GNG7: variants seen among roughly 807,000 people sequenced by gnomAD.
GNG7 encodes guanine nucleotide-binding protein G(I)/G(S)/G(O) subunit gamma-7.
A neutral mutation model predicts 4.0 loss-of-function variants in GNG7; 1 was observed. The ratio of observed to expected loss-of-function variants is 0.25; its 90% confidence interval spans 0.09 to 1.18. The LOEUF (loss-of-function observed/expected upper bound fraction) is 1.18, where lower values mean the gene tolerates loss of function less well. GNG7 is among the 50% of genes most tolerant of loss of function. The pLI, the probability that GNG7 is intolerant of heterozygous loss-of-function variation, is 0.50. For synonymous variants in GNG7, 34 were observed against 36.9 expected, an observed-to-expected ratio of 0.92 and a Z score of 0.29; for missense variants, 86 against 91.9, an observed-to-expected ratio of 0.94 and a Z score of 0.26.
rs768367117 is a variant in GNG7 at position 2,546,742 on chromosome 19, C to T, written c.-38+8407G>A. On this transcript the variant is annotated intron_variant, in intron 3 of 4. Transcript: ENST00000382159. This position sits in a 1 kb window ranked among gnomAD's most constrained non-coding sequence, Gnocchi z 6.3. The stretch of plus-strand genomic sequence containing the variant: ...GCGCCGCCAGTGTGGGTTTGGTCGC[C>T]GCGGTGACGGGAGCAGGAGAAAAGA... Among the ~76,000 whole-genome samples the T allele has an allele frequency of 4.6e-5, 7 of 152,126 alleles. No homozygotes were observed. Among genetic ancestry groups the T allele is most frequent in the Non-Finnish European group, 8.8e-5 (6 of 68,018 alleles).
intron 1 of GNG7, among the ~76,000 whole-genome samples, chr19:2,692,647 A>G (rs533888831): frequency 7.1e-4 from 107 of 149,872 alleles, no homozygotes; most frequent in South Asian, 1.7e-3. Context: ...AAAAAAAAAA[A>G]AAGAAGGCCA....
chr19:2,622,481 C>T (rs1056611283), intron 2 of GNG7, among the ~76,000 whole-genome samples: 4 of 152,360 alleles, frequency 2.6e-5, no homozygotes, highest in Non-Finnish European at 4.4e-5. Context: ...GGAAAGCCCC[C>T]GAAACTGGCA....
intron 1 of GNG7, among the ~76,000 whole-genome samples, chr19:2,690,139 T>C (rs930224642): frequency 3.3e-5 from 5 of 152,074 alleles, no homozygotes; most frequent in Admixed American, 2.6e-4. Flanking sequence ...CCCAGCACTT[T>C]GGGAGGCCGA....
chr19:2,668,107 A>G (rs1983355748), intron 1 of GNG7, among the ~76,000 whole-genome samples: 1 of 152,088 alleles, frequency 6.6e-6, no homozygotes, highest in Non-Finnish European at 1.5e-5. Flanking sequence ...CAAACGCACC[A>G]TGCCATTGGA....
At chr19:2,601,941 A>G (rs1348120932) in intron 2 of GNG7, among the ~76,000 whole-genome samples, 1 of 151,262 alleles carries the variant, frequency 6.6e-6, no homozygotes, top group Admixed American at 6.6e-5. Context: ...GGAGGGGAGG[A>G]GAGGAGAGGG....
rs76623902 is a variant in GNG7, at chr19:2,626,728, G to A, written c.-78+19496C>T. Among the ~76,000 whole-genome samples, 1,460 of 152,266 alleles carry A rather than the reference G, an allele frequency of 9.6e-3. 25 individuals are homozygous for A. The highest frequency in any genetic ancestry group is 0.033 in the African/African-American group (1,379 of 41,544). On this transcript the variant is annotated intron_variant, in intron 2 of 4. Transcript: ENST00000382159. This position sits in a 1 kb window ranked among gnomAD's most constrained non-coding sequence, Gnocchi z 5.0. Reference sequence around the variant, plus strand: ...TAATTCTGTCCCCTCAGGGGACACTGGGCGGTGTCGGGGGACATCTGTAAT... The same window carrying A: ...TAATTCTGTCCCCTCAGGGGACACTAGGCGGTGTCGGGGGACATCTGTAAT...
intron 2 of GNG7, among the ~76,000 whole-genome samples, chr19:2,589,017 C>G (rs933508784): frequency 2.0e-5 from 3 of 152,166 alleles, no homozygotes; most frequent in Non-Finnish European, 4.4e-5. Flanking sequence ...CAACCTCCCC[C>G]TTCCAGGTTC....
chr19:2,607,335 T>C (rs939791023), intron 2 of GNG7, among the ~76,000 whole-genome samples: 1 of 151,426 alleles, frequency 6.6e-6, no homozygotes, highest in Non-Finnish European at 1.5e-5. Context: ...CTGGCCAACA[T>C]GGAGAAACCC....
At chr19:2,593,969 C>A (rs2144804282) in intron 2 of GNG7, among the ~76,000 whole-genome samples, 1 of 149,428 alleles carries the variant, frequency 6.7e-6, no homozygotes, top group African/African-American at 2.4e-5. Flanking sequence ...CACCCCAAAC[C>A]TTCTCAAATC....
chr19:2,612,054 T>C (rs1404817889), intron 2 of GNG7, among the ~76,000 whole-genome samples: 1 of 151,988 alleles, frequency 6.6e-6, no homozygotes, highest in Admixed American at 6.6e-5. Flanking sequence ...TTAGTATTTT[T>C]AGTAGAGACC....
chr19:2,640,258 G>GGAGA (rs560240248), intron 2 of GNG7, among the ~76,000 whole-genome samples: 1 of 151,478 alleles, frequency 6.6e-6, no homozygotes, highest in East Asian at 1.9e-4. Context: ...GAGGAAGGAA[G>GGAGA]GAGAGAGAGA....
chr19:2,553,664 C>T (rs1025010091), intron 3 of GNG7, among the ~76,000 whole-genome samples: 12 of 135,276 alleles, frequency 8.9e-5, no homozygotes, highest in East Asian at 6.8e-4. Flanking sequence ...TACATGCACA[C>T]GTTACATGTA....
At chr19:2,689,584 T>C (rs1021120872) in intron 1 of GNG7, among the ~76,000 whole-genome samples, 6 of 132,758 alleles carry the variant, frequency 4.5e-5, no homozygotes, top group African/African-American at 1.5e-4. Context: ...GATGGCGCCA[T>C]TGCACTCCAG....
intron 1 of GNG7, among the ~76,000 whole-genome samples, chr19:2,654,050 G>A (rs1982897414): frequency 6.6e-6 from 1 of 152,198 alleles, no homozygotes. Context: ...CTGTGGCGGG[G>A]GCGGGGCCGT....
At chr19:2,659,750 T>TGGAG (rs1185318404) in intron 1 of GNG7, among the ~76,000 whole-genome samples, 32 of 80,348 alleles carry the variant, frequency 4.0e-4, no homozygotes, top group Non-Finnish European at 6.6e-4. Flanking sequence ...GAGGGAGGGA[T>TGGAG]GGAGGAAGGA....
intron 2 of GNG7, among the ~76,000 whole-genome samples, chr19:2,574,102 G>A (rs1427524252): frequency 6.6e-6 from 1 of 152,124 alleles, no homozygotes; most frequent in African/African-American, 2.4e-5. Context: ...ACCTGGGCTG[G>A]TGCAGTCCAG....
In GNG7 at chr19:2,515,075, C is replaced by G. The variant is rs1423422402; in HGVS notation, c.154G>C (p.Val52Leu). 4 of 1,613,896 alleles carry G rather than the reference C, an allele frequency of 2.5e-6. No homozygotes were observed. The highest frequency in any genetic ancestry group is 3.4e-6 in the Non-Finnish European group (4 of 1,179,934). Residue 52 changes from valine to leucine, a missense_variant, in exon 5 of 5, where the codon GTC becomes CTC. Coordinates refer to ENST00000382159, the MANE Select transcript of GNG7 (RefSeq NM_052847.3). ...TTAAAGGGGTTCTCCGAGGCAGGGA[C>G]TCCGACCAGCAGGGGGTCGTTCCGG... ...HARNDPLLVG[V>L]PASENPFKDK...
intron 3 of GNG7, among the ~76,000 whole-genome samples, chr19:2,524,619 CAT>C (rs1568231316): frequency 6.6e-6 from 1 of 152,198 alleles, no homozygotes; most frequent in African/African-American, 2.4e-5. Flanking sequence ...TGTACATGTG[CAT>C]GTGTCTATAT....
chr19:2,615,397 G>A (rs1310167565), intron 2 of GNG7, among the ~76,000 whole-genome samples: 1 of 150,110 alleles, frequency 6.7e-6, no homozygotes, highest in Admixed American at 6.7e-5. Flanking sequence ...TGGACACCAC[G>A]TGGCACAGAC....
Sources: allele counts gnomAD v4.1 joint callset (sites outside exome capture counted in the v4.1 genomes callset), GRCh38; gene constraint gnomAD v4.1.1; non-coding constraint Gnocchi (gnomAD v3.1); transcripts MANE v1.5; gene names NCBI Gene and HGNC (gene_info 2026-07-23, HGNC 2026-07-21).